Variants in PTPN23 observed in about 807,000 individuals in gnomAD.
The protein encoded by PTPN23 is tyrosine-protein phosphatase non-receptor type 23.
In PTPN23, 72 loss-of-function variants were observed where a neutral mutation model predicts 156.3. That is an observed-to-expected ratio of 0.46 (90% CI 0.38 to 0.56). The LOEUF (loss-of-function observed/expected upper bound fraction) is 0.56, where lower values mean the gene tolerates loss of function less well. PTPN23 is among the 20% of genes least tolerant of loss of function. The pLI is 0.00. For synonymous variants in PTPN23, 957 were observed against 899.6 expected, an observed-to-expected ratio of 1.06 and a Z score of -1.14; for missense variants, 1,974 against 2,171.5, an observed-to-expected ratio of 0.91 and a Z score of 1.81.
At chr3:47,392,594 T>C (rs1325294028) in intron 1 of PTPN23, among the ~76,000 whole-genome samples, 2 of 152,154 alleles carry the variant, frequency 1.3e-5, no homozygotes, top group East Asian at 3.8e-4. Flanking sequence ...TGAAGATTGT[T>C]AAATGCCTGT....
At position 47,410,841 on chromosome 3, in the gene PTPN23, C is replaced by T. The variant is rs533548667; in HGVS notation, c.3043C>T (p.His1015Tyr). The T allele has an allele frequency of 1.1e-4, 172 of 1,603,822 alleles. 1 individual carries two copies. Among genetic ancestry groups the T allele is most frequent in the Middle Eastern group, 9.9e-4 (6 of 6,044 alleles). Residue 1015 changes from histidine (H) to tyrosine (Y), a missense_variant, in exon 20 of 25, where the codon CAC becomes TAC. Around this residue, in one of 4 missense-constraint regions of PTPN23, gnomAD observed 731 missense variants for 669.1 expected, o/e 1.09. Transcript: ENST00000265562. Reference sequence around the variant, plus strand: ...CCTGGGGCAGCCGCCACCCCCCCTACACACCCAGCTCTACCCAGGTCCCGC... The same window carrying T: ...CCTGGGGCAGCCGCCACCCCCCCTATACACCCAGCTCTACCCAGGTCCCGC... Reference protein sequence around the residue: ...GVLGQPPPPLHTQLYPGPAQD... With the variant: ...GVLGQPPPPLYTQLYPGPAQD...
intron 1 of PTPN23, among the ~76,000 whole-genome samples, chr3:47,382,946 C>T (rs1704579296): frequency 6.6e-6 from 1 of 152,080 alleles, no homozygotes; most frequent in African/African-American, 2.4e-5. Flanking sequence ...CTTGGCCTCC[C>T]AAAGTGCTGG....
intron 1 of PTPN23, among the ~76,000 whole-genome samples, chr3:47,384,336 C>T (rs1012953398): frequency 3.4e-5 from 5 of 148,236 alleles, no homozygotes; most frequent in African/African-American, 5.0e-5. Context: ...GGCATAGTGG[C>T]GGGTGCCTGT....
Position 47,410,000 on chromosome 3 carries a change from G to A in PTPN23, c.2202G>A (p.Glu734=). ...KPLLPRREES[E]AVEAGDPPEE... is the part of the protein sequence containing the mutation. ...TGCTGCCCCGCAGGGAGGAGAGTGA[G>A]GCAGTGGAAGCAGGAGACCCCCCTG... Residue 734 remains glutamate (E), a synonymous_variant, in exon 20 of 25, where the codon GAG becomes GAA. Coordinates refer to ENST00000265562, the MANE Select transcript of PTPN23 (RefSeq NM_015466.4). 6.2e-7 allele frequency: 1 copy of A among 1,605,090 alleles called. No homozygotes were observed. The highest frequency in any genetic ancestry group is 8.5e-7 in the Non-Finnish European group (1 of 1,176,426).
intron 1 of PTPN23, among the ~76,000 whole-genome samples, chr3:47,391,668 A>G (rs1446616290): frequency 6.6e-6 from 1 of 152,126 alleles, no homozygotes; most frequent in Non-Finnish European, 1.5e-5. Flanking sequence ...AGATGTTCCT[A>G]GTGATATCAC....
rs781031873 is a variant in PTPN23, at chr3:47,411,374, C to T, written c.3576C>T (p.Asp1192=). The change falls in exon 20 of 25, where the codon GAC becomes GAT. Residue 1192 remains aspartate (D), a synonymous_variant. Coordinates refer to ENST00000265562, the MANE Select transcript of PTPN23 (RefSeq NM_015466.4). The surrounding 1 kb of genome is among the most constrained non-coding windows in gnomAD (Gnocchi z 6.3). ...AGCTGGGGGATGTGGGAGCTCTGGA[C>T]ACTGTCTGGCGAGAGCTGCAAGATG... ...RGQLGDVGAL[D]TVWRELQDAQ... is the part of the protein sequence containing the mutation. The T allele has an allele frequency of 9.3e-6, 15 of 1,612,880 alleles. No homozygotes were observed. Among genetic ancestry groups the T allele is most frequent in the Non-Finnish European group, 1.3e-5 (15 of 1,180,026 alleles).
chr3:47,406,231 G>A lies in PTPN23; in HGVS notation c.547-94G>A. 2 of 1,510,030 alleles carry A rather than the reference G, an allele frequency of 1.3e-6. No homozygotes were observed. The highest frequency in any genetic ancestry group is 4.8e-5 in the East Asian group (2 of 42,096). 93.5% of individuals were successfully genotyped at this position (1,510,030 alleles called of 1,614,324 possible). ...CAGCTGGGGGAGAGGGCAGTGAAGA[G>A]GGATCCCTCAGTCTGCCCCTGGGGA... On this transcript the variant is annotated intron_variant, in intron 6 of 24. Coordinates refer to ENST00000265562, the MANE Select transcript of PTPN23 (RefSeq NM_015466.4). The surrounding 1 kb of genome is among the most constrained non-coding windows in gnomAD (Gnocchi z 5.8).
Position 47,410,410 on chromosome 3 carries a change from C to T in PTPN23, c.2612C>T (p.Pro871Leu), listed in dbSNP as rs930638136. 6.2e-7 allele frequency: 1 copy of T among 1,612,174 alleles called. No homozygotes were observed. Among genetic ancestry groups the T allele is most frequent in the Admixed American group, 1.7e-5 (1 of 59,900 alleles). ...GCCCCACCTCCTCAATTCTCAGGCC[C>T]CGAGTTGGCCATGGCGGTTCGGCCA... ...PSAPPPQFSG[P>L]ELAMAVRPAT... is the part of the protein sequence containing the mutation. Residue 871 changes from proline to leucine, a missense_variant, in exon 20 of 25, where the codon CCC (proline) becomes CTC (leucine). Physicochemically the swap from Pro to Leu is moderately conservative, Grantham distance 98. Around this residue, in one of 4 missense-constraint regions of PTPN23, gnomAD observed 731 missense variants for 669.1 expected, o/e 1.09. Coordinates refer to ENST00000265562, the MANE Select transcript of PTPN23 (RefSeq NM_015466.4).
chr3:47,410,575 C>T lies in PTPN23; in HGVS notation c.2777C>T (p.Ala926Val), dbSNP rs1405729973. Residue 926 changes from alanine (A) to valine (V), a missense_variant, in exon 20 of 25, where the codon GCA (alanine) becomes GTA (valine). This residue lies in a region of PTPN23 where 731 missense variants were observed against 669.1 expected (regional missense o/e 1.09). Coordinates refer to ENST00000265562, the MANE Select transcript of PTPN23 (RefSeq NM_015466.4). ...QPLPTPYTYPAGAKQPIPAQH... is the reference protein window; with the variant it reads ...QPLPTPYTYPVGAKQPIPAQH... ...CTGCCCACGCCTTACACCTACCCTG[C>T]AGGGGCTAAGCAACCCATCCCGGCA... 2 of 1,612,114 alleles carry T rather than the reference C, an allele frequency of 1.2e-6. No individual in the cohort carries two copies. The highest frequency in any genetic ancestry group is 2.7e-5 in the African/African-American group (2 of 74,638).
At chr3:47,402,499 C>T (rs1705016102) in intron 2 of PTPN23, among the ~76,000 whole-genome samples, 1 of 152,064 alleles carries the variant, frequency 6.6e-6, no homozygotes, top group African/African-American at 2.4e-5. Context: ...AGGCTGGTCT[C>T]GAATTCCTGG....
rs751484703 is a variant in PTPN23 at position 47,413,114 on chromosome 3, C to T, written c.4840C>T (p.Leu1614=). The stretch of plus-strand genomic sequence containing the variant: ...TCTGCAGGCCCATAACGGGCAAGGG[C>T]TGCGGGCCACCCGGCCCTCTGACGA... ...NFLQAHNGQG[L]RATRPSDDPL... The change falls in exon 25 of 25, where the codon CTG becomes TTG. Residue 1614 remains leucine, a synonymous_variant. Coordinates refer to ENST00000265562, the MANE Select transcript of PTPN23 (RefSeq NM_015466.4). 1.2e-6 allele frequency: 2 copies of T among 1,612,768 alleles called. No homozygotes were observed. Among genetic ancestry groups the T allele is most frequent in the African/African-American group, 2.7e-5 (2 of 74,942 alleles).
intron 1 of PTPN23, among the ~76,000 whole-genome samples, chr3:47,393,134 T>A (rs1704808740): frequency 6.6e-6 from 1 of 151,696 alleles, no homozygotes; most frequent in Non-Finnish European, 1.5e-5. Flanking sequence ...CTGCACCCAG[T>A]GTGTTACCTA....
chr3:47,403,865 A>G (rs1026735188), intron 2 of PTPN23, among the ~76,000 whole-genome samples: 2 of 152,164 alleles, frequency 1.3e-5, no homozygotes, highest in African/African-American at 4.8e-5. Flanking sequence ...TAATGCTGTG[A>G]TGAATATCCT....
chr3:47,400,342 C>T (rs1704966953), intron 2 of PTPN23, among the ~76,000 whole-genome samples: 1 of 152,206 alleles, frequency 6.6e-6, no homozygotes, highest in East Asian at 1.9e-4. Context: ...GGGAATAAAA[C>T]TGACAGGTGC....
At chr3:47,388,664 CTTT>C (rs35817505) in intron 1 of PTPN23, among the ~76,000 whole-genome samples, 3 of 126,984 alleles carry the variant, frequency 2.4e-5, no homozygotes, top group Admixed American at 8.7e-5. Flanking sequence ...ACTACTAGAT[CTTT>C]TTTTTTTTTT....
Position 47,412,686 on chromosome 3 carries a change from C to T in PTPN23, c.4432-20C>T, listed in dbSNP as rs758734478. 1.3e-6 allele frequency: 2 copies of T among 1,599,052 alleles called. No homozygotes were observed. Among genetic ancestry groups the T allele is most frequent in the Non-Finnish European group, 1.7e-6 (2 of 1,170,882 alleles). ...CCACAGCCTTGGGACTCCCTCTCCT[C>T]ACTCACTCTGTCTTCTCAGAACCAC... On this transcript the variant is annotated intron_variant, in intron 24 of 24. Coordinates refer to ENST00000265562, the MANE Select transcript of PTPN23 (RefSeq NM_015466.4).
chr3:47,405,937 A>C lies in PTPN23; in HGVS notation c.437A>C (p.His146Pro). The change falls in exon 6 of 25, where the codon CAT becomes CCT. Residue 146 changes from histidine to proline, a missense_variant. This residue lies in a region of PTPN23 where 726 missense variants were observed against 929.5 expected (regional missense o/e 0.78). Coordinates refer to ENST00000265562, the MANE Select transcript of PTPN23 (RefSeq NM_015466.4). The surrounding 1 kb of genome is among the most constrained non-coding windows in gnomAD (Gnocchi z 4.7). ...CAGGGCATGAAGGTCTCCTGTACCC[A>C]TTTCCAGTGCGCAGCCGGCGCCTTC... ...SEEGMKVSCT[H>P]FQCAAGAFAY... is the part of the protein sequence containing the mutation. 2.5e-6 allele frequency: 4 copies of C among 1,613,976 alleles called. No individual in the cohort carries two copies. Among genetic ancestry groups the C allele is most frequent in the Non-Finnish European group, 3.4e-6 (4 of 1,179,984 alleles).
chr3:47,388,412 C>T (rs932289816), intron 1 of PTPN23, among the ~76,000 whole-genome samples: 4 of 152,010 alleles, frequency 2.6e-5, no homozygotes, highest in East Asian at 1.9e-4. Flanking sequence ...CACTGTGTTG[C>T]GCAGGCTGGT....
chr3:47,407,208 C>A lies in PTPN23; in HGVS notation c.864+22C>A. On this transcript the variant is annotated intron_variant, in intron 10 of 24. Transcript: ENST00000265562. The surrounding 1 kb of genome is among the most constrained non-coding windows in gnomAD (Gnocchi z 4.0). ...CAAGGTAAAGCTGAGGAAGGCCTGG[C>A]TGCCCTGAGGGTATAGGAGCAAGCC... The A allele has an allele frequency of 6.2e-7, 1 of 1,614,026 alleles. No homozygotes were observed. The highest frequency in any genetic ancestry group is 8.5e-7 in the Non-Finnish European group (1 of 1,179,934).
Sources: allele counts gnomAD v4.1 joint callset (sites outside exome capture counted in the v4.1 genomes callset), GRCh38; gene constraint gnomAD v4.1.1; regional missense constraint gnomAD v4.1.1; non-coding constraint Gnocchi (gnomAD v3.1); transcripts MANE v1.5; gene names NCBI Gene and HGNC (gene_info 2026-07-23, HGNC 2026-07-21).